The following KIAA2012 variants were observed in gnomAD, a reference collection of about 807,000 sequenced individuals.
The protein encoded by KIAA2012 is KIAA2012, also known as uncharacterized protein KIAA2012.
A neutral mutation model predicts 150.6 loss-of-function variants in KIAA2012; 125 were observed. The ratio of observed to expected loss-of-function variants is 0.83; its 90% CI spans 0.72 to 0.96. KIAA2012 has a LOEUF of 0.96. Among genes scored for constraint, KIAA2012 ranks in the 40% least tolerant of loss-of-function variants. The probability of loss-of-function intolerance (pLI) is 0.00; values close to 1 mark genes in which losing one functional copy is unlikely to be tolerated. For synonymous variants in KIAA2012, 462 were observed against 504.7 expected (o/e 0.92, Z 1.13); for missense variants, 1,219 against 1,354.9 (o/e 0.90, Z 1.57).
chr2:202,172,633 T>C (rs1691918165), intron 15 of KIAA2012, among the ~76,000 whole-genome samples: 1 of 152,242 alleles, frequency 6.6e-6, no homozygotes, highest in South Asian at 2.1e-4. Flanking sequence ...AGACTTTTCC[T>C]TGGGCAGTTT....
chr2:202,198,954 G>A (rs1261681126), intron 22 of KIAA2012, among the ~76,000 whole-genome samples: 1 of 152,106 alleles, frequency 6.6e-6, no homozygotes, highest in Non-Finnish European at 1.5e-5. Flanking sequence ...CATTAGGAAA[G>A]CCCTGACTCC....
chr2:202,133,544 G>T (rs185622637), intron 12 of KIAA2012, among the ~76,000 whole-genome samples: 11 of 152,212 alleles, frequency 7.2e-5, no homozygotes, highest in Admixed American at 2.6e-4. Context: ...TATTGCCCTT[G>T]CATTTACTGG....
At chr2:202,132,504 T>C (rs1690955241) in intron 12 of KIAA2012, among the ~76,000 whole-genome samples, 1 of 151,202 alleles carries the variant, frequency 6.6e-6, no homozygotes, top group Non-Finnish European at 1.5e-5. Context: ...CCGTCTCTAC[T>C]GAAAATACAA....
At chr2:202,168,343 C>CGGGAGGCGGAGGTTGCA (rs1437972051) in intron 15 of KIAA2012, among the ~76,000 whole-genome samples, 1 of 148,968 alleles carries the variant, frequency 6.7e-6, no homozygotes, top group Non-Finnish European at 1.5e-5. Flanking sequence ...CACTTGAACC[C>CGGGAGGCGGAGGTTGCA]GGGAGGCGGA....
intron 9 of KIAA2012, among the ~76,000 whole-genome samples, chr2:202,108,418 C>T (rs972679078): frequency 1.3e-5 from 2 of 152,146 alleles, no homozygotes; most frequent in African/African-American, 4.8e-5. Flanking sequence ...CTATTTATAC[C>T]GATAATGTTC....
At chr2:202,202,098 T>G (rs1427077111) in intron 22 of KIAA2012, among the ~76,000 whole-genome samples, 1 of 152,240 alleles carries the variant, frequency 6.6e-6, no homozygotes, top group Non-Finnish European at 1.5e-5. Flanking sequence ...CCTATCTGCC[T>G]GCCTCTACCT....
intron 12 of KIAA2012, among the ~76,000 whole-genome samples, chr2:202,132,688 ATATGTATG>A (rs1690963237): frequency 1.3e-5 from 1 of 76,884 alleles, no homozygotes; most frequent in East Asian, 4.6e-4. Context: ...ACATATATAT[ATATGTATG>A]TATATATATA....
At chr2:202,143,551 CTTTTT>C in intron 13 of KIAA2012, among the ~76,000 whole-genome samples, 1 of 134,300 alleles carries the variant, frequency 7.4e-6, no homozygotes, top group Middle Eastern at 3.9e-3. Context: ...TTTTCCTGGG[CTTTTT>C]TTTTTTTTTT....
In KIAA2012 at chr2:202,109,733, G is replaced by GC. The variant is rs746033292; in HGVS notation, c.1601dup (p.Ser535LysfsTer53). Reference sequence around the variant, plus strand: ...AGCCCTAGGACATCAGACCACAACAGCCCCCCAAGTCTCCCGAACATGAGA... The same window carrying GC: ...AGCCCTAGGACATCAGACCACAACAGCCCCCCCAAGTCTCCCGAACATGAGA... On this transcript the variant is annotated frameshift_variant, in exon 10 of 24. Transcript: ENST00000498697. LOFTEE classifies it high-confidence loss of function. 27 of 1,550,024 alleles carry GC rather than the reference G, an allele frequency of 1.7e-5. No homozygotes were observed. Among genetic ancestry groups the GC allele is most frequent in the Non-Finnish European group, 7.0e-6 (8 of 1,146,820 alleles).
At position 202,196,928 on chromosome 2, in the gene KIAA2012, C is replaced by A. The variant is rs1274712221; in HGVS notation, c.3316C>A (p.Arg1106=). The part of the protein sequence containing the change: ...RRKQEAEEKA[R]LEAEERRQKE... ...GAAACAGGAAGCAGAAGAGAAGGCT[C>A]GGCTGGAGGCAGAGGAGAGGAGGCA... Residue 1106 remains arginine (R), a synonymous_variant, in exon 22 of 24, where the codon CGG becomes AGG. Coordinates refer to ENST00000498697, the MANE Select transcript of KIAA2012 (RefSeq NM_001277372.4). 1.3e-6 allele frequency: 2 copies of A among 1,550,552 alleles called. No homozygotes were observed. The highest frequency in any genetic ancestry group is 2.7e-5 in the African/African-American group (2 of 73,118).
In KIAA2012 at chr2:202,160,094, A is replaced by T. The variant is rs149278864; in HGVS notation, c.2047-5190A>T. Among the ~76,000 whole-genome samples, 288 of 152,168 alleles carry T rather than the reference A, an allele frequency of 1.9e-3. 2 individuals carry two copies. Among genetic ancestry groups the T allele is most frequent in the Non-Finnish European group, 2.7e-3 (183 of 67,996 alleles). ...CAGATGAGGAAACCGAGGCTCAGAG[A>T]TGACCAGTCACATGGCTGGCAGCAG... On this transcript the variant is annotated intron_variant, in intron 14 of 23. Coordinates refer to ENST00000498697, the MANE Select transcript of KIAA2012 (RefSeq NM_001277372.4).
Position 202,146,993 on chromosome 2 carries a change from G to A in KIAA2012, c.1909-7680G>A, listed in dbSNP as rs116495645. ...CTTGGCAGTAGGCAGCCCCCAATAC[G>A]TTATAATCATTACTGTTGTACTCCC... On this transcript the variant is annotated intron_variant, in intron 13 of 23. Coordinates refer to ENST00000498697, the MANE Select transcript of KIAA2012 (RefSeq NM_001277372.4). 3.0e-3 allele frequency among the ~76,000 whole-genome samples: 461 copies of A among 152,200 alleles called. 2 individuals carry two copies. Among genetic ancestry groups the A allele is most frequent in the African/African-American group, 0.01 (434 of 41,518 alleles).
At position 202,132,763 on chromosome 2, in the gene KIAA2012, T is replaced by G. The variant is rs1435471831; in HGVS notation, c.1832-5669T>G. On this transcript the variant is annotated intron_variant, in intron 12 of 23. Coordinates refer to ENST00000498697, the MANE Select transcript of KIAA2012 (RefSeq NM_001277372.4). ...TATATATATAGTATATATGTATATA[T>G]ATACATATATACATATATATATGCG... is the stretch of plus-strand genomic sequence containing the variant. Among the ~76,000 whole-genome samples, 4 of 120,716 alleles carry G rather than the reference T, an allele frequency of 3.3e-5. No individual in the cohort carries two copies. The Admixed American group carries it at 3.7e-4, about 11-fold the overall frequency. The allele number at this position is 120,716 out of a possible 152,430, so 79.2% of individuals were successfully genotyped here. A position where few individuals can be genotyped will look rare whatever the true frequency, so the allele number is the denominator to read the frequency against.
chr2:202,204,729 C>CT lies in KIAA2012; in HGVS notation c.*21-263dup, dbSNP rs1239125895. ...TTAGATTTGATACTTATTTTAACTC[C>CT]TTTTTTGTAAAAATTAAACAGAAAT... On this transcript the variant is annotated intron_variant, in intron 23 of 23. Coordinates refer to ENST00000498697, the MANE Select transcript of KIAA2012 (RefSeq NM_001277372.4). Among the ~76,000 whole-genome samples the CT allele has an allele frequency of 6.7e-5, 9 of 133,878 alleles. No homozygotes were observed. In the East Asian group the frequency reaches 1.8e-3, roughly 27 times the overall value. 87.8% of individuals were successfully genotyped at this position (133,878 alleles called of 152,430 possible). A position where few individuals can be genotyped will look rare whatever the true frequency, so the allele number is the denominator to read the frequency against.
At position 202,194,285 on chromosome 2, in the gene KIAA2012, G is replaced by A. The variant is rs868513762; in HGVS notation, c.3110G>A (p.Arg1037Gln). The change falls in exon 21 of 24, where the codon CGG becomes CAG. Residue 1037 changes from arginine (R) to glutamine (Q), a missense_variant. Coordinates refer to ENST00000498697, the MANE Select transcript of KIAA2012 (RefSeq NM_001277372.4). ...TTGAAAGCAGCCCAGGAGAGAGCCC[G>A]GCAACAGCAAGAGGAGTTTCGGAGG... is the stretch of plus-strand genomic sequence containing the variant. ...LRLKAAQERA[R>Q]QQQEEFRRKL... The A allele has an allele frequency of 2.7e-5, 42 of 1,550,462 alleles. No individual in the cohort carries two copies. In the African/African-American group the frequency reaches 3.4e-4, roughly 13 times the overall value.
chr2:202,126,321 G>C (rs150077513), intron 12 of KIAA2012, among the ~76,000 whole-genome samples: 1 of 152,098 alleles, frequency 6.6e-6, no homozygotes, highest in African/African-American at 2.4e-5. Flanking sequence ...AGGAACAGGC[G>C]GGAGGCAGTG....
intron 15 of KIAA2012, among the ~76,000 whole-genome samples, chr2:202,167,649 C>G (rs1459979869): frequency 2.0e-5 from 3 of 152,030 alleles, no homozygotes. Flanking sequence ...TATAGCAAGA[C>G]CCCTCCCCAT....
At position 202,194,293 on chromosome 2, in the gene KIAA2012, C is replaced by A. The variant is rs1692370697; in HGVS notation, c.3118C>A (p.Gln1040Lys). ...AGCCCAGGAGAGAGCCCGGCAACAGCAAGAGGAGTTTCGGAGGAAACTGCG... is the reference window on the plus strand; with the variant it reads ...AGCCCAGGAGAGAGCCCGGCAACAGAAAGAGGAGTTTCGGAGGAAACTGCG... ...KAAQERARQQQEEFRRKLREL... is the reference protein window; with the variant it reads ...KAAQERARQQKEEFRRKLREL... Residue 1040 changes from glutamine to lysine, a missense_variant, in exon 21 of 24, where the codon CAA becomes AAA. Physicochemically the swap from Gln to Lys is moderately conservative, Grantham distance 53. Coordinates refer to ENST00000498697, the MANE Select transcript of KIAA2012 (RefSeq NM_001277372.4). The A allele has an allele frequency of 3.2e-6, 5 of 1,550,552 alleles. No homozygotes were observed. The East Asian group carries it at 1.2e-4, about 38-fold the overall frequency.
chr2:202,121,793 T>C (rs1182369254), intron 11 of KIAA2012, among the ~76,000 whole-genome samples: 3 of 152,052 alleles, frequency 2.0e-5, no homozygotes, highest in Non-Finnish European at 4.4e-5. Context: ...GGAGAACAGA[T>C]TCACAAGCCA....
Sources: gnomAD v4.1 joint callset for allele counts (sites outside exome capture counted in the v4.1 genomes callset) on GRCh38, gnomAD v4.1.1 for gene constraint, MANE v1.5 for transcripts, NCBI Gene and HGNC (gene_info 2026-07-23, HGNC 2026-07-21) for gene names.